Variants in PKIB observed in about 807,000 individuals in gnomAD.
PKIB encodes the protein cAMP-dependent protein kinase inhibitor beta, also known as PKI-beta.
A neutral mutation model predicts 4.5 loss-of-function variants in PKIB; 2 were observed. That is an observed-to-expected ratio of 0.44 (90% CI 0.18 to 1.39). PKIB has a LOEUF of 1.39. PKIB is among the 40% of genes most tolerant of loss of function. The pLI, the probability that PKIB is intolerant of heterozygous loss-of-function variation, is 0.27. For missense variants in PKIB, 94 were observed against 92.6 expected, an observed-to-expected ratio of 1.02 and a Z score of -0.06; for synonymous variants, 38 against 36.0, an observed-to-expected ratio of 1.06 and a Z score of -0.20.
chr6:122,703,937 T>TAGAG (rs1277973682), intron 3 of PKIB, among the ~76,000 whole-genome samples: 13 of 130,414 alleles, frequency 1.0e-4, no homozygotes, highest in East Asian at 8.5e-4. Context: ...TATATATATA[T>TAGAG]ATATAGAGAG....
chr6:122,578,656 C>T (rs1303349039), intron 2 of PKIB, among the ~76,000 whole-genome samples: 1 of 152,178 alleles, frequency 6.6e-6, no homozygotes, highest in African/African-American at 2.4e-5. Context: ...GCCCACAGAG[C>T]CTGTCTCACA....
At chr6:122,632,016 C>T (rs1582757275) in intron 1 of PKIB, among the ~76,000 whole-genome samples, 1 of 152,134 alleles carries the variant, frequency 6.6e-6, no homozygotes. Flanking sequence ...AGGATGGATT[C>T]GAAGGGGAAT....
intron 2 of PKIB, among the ~76,000 whole-genome samples, chr6:122,559,652 A>G (rs6923465): frequency 0.14 from 21,470 of 152,102 alleles, 1,580 homozygotes; most frequent in East Asian, 0.21. Context: ...CATTTTCACA[A>G]TATTGATTCT....
intron 3 of PKIB, among the ~76,000 whole-genome samples, chr6:122,696,854 C>T (rs1778595062): frequency 6.6e-6 from 1 of 152,178 alleles, no homozygotes; most frequent in Admixed American, 6.5e-5. Flanking sequence ...AACCTGATGC[C>T]TTTTCTCCAC....
intron 1 of PKIB, among the ~76,000 whole-genome samples, chr6:122,477,487 T>C (rs1407394726): frequency 6.6e-6 from 1 of 152,238 alleles, no homozygotes; most frequent in Admixed American, 6.5e-5. Flanking sequence ...CAAAGTACTA[T>C]ACTATATGAT....
chr6:122,603,820 T>C (rs533690197), intron 3 of PKIB, among the ~76,000 whole-genome samples: 1 of 152,316 alleles, frequency 6.6e-6, no homozygotes, highest in South Asian at 2.1e-4. Context: ...CAAATAAAGC[T>C]TATTTGGGCA....
intron 2 of PKIB, among the ~76,000 whole-genome samples, chr6:122,543,517 T>G (rs191287279): frequency 6.6e-6 from 1 of 151,912 alleles, no homozygotes; most frequent in East Asian, 1.9e-4. Flanking sequence ...GTAGCTGGGA[T>G]TATAGGTGCC....
At chr6:122,658,673 G>A (rs1198974826) in intron 2 of PKIB, among the ~76,000 whole-genome samples, 1 of 151,576 alleles carries the variant, frequency 6.6e-6, no homozygotes, top group Non-Finnish European at 1.5e-5. Context: ...AGGTCTTTCT[G>A]AATTAAGGCC....
intron 3 of PKIB, among the ~76,000 whole-genome samples, chr6:122,604,823 C>T (rs1774475910): frequency 6.6e-6 from 1 of 152,162 alleles, no homozygotes; most frequent in African/African-American, 2.4e-5. Flanking sequence ...CTCTGCAAAA[C>T]AATGCCCTAT....
intron 2 of PKIB, among the ~76,000 whole-genome samples, chr6:122,635,748 T>A (rs538488369): frequency 6.6e-6 from 1 of 152,182 alleles, no homozygotes; most frequent in African/African-American, 2.4e-5. Context: ...ACCCCTATTT[T>A]AACTTCCAAA....
At chr6:122,634,871 G>A (rs1279451188) in intron 2 of PKIB, among the ~76,000 whole-genome samples, 2 of 151,238 alleles carry the variant, frequency 1.3e-5, no homozygotes, top group African/African-American at 2.4e-5. Context: ...GAACCCGGGA[G>A]GCGGAGCTTG....
rs78772281 is a variant in PKIB, at chr6:122,573,417, G to A, written c.-247-12504G>A. Among the ~76,000 whole-genome samples, 339 of 151,126 alleles carry A rather than the reference G, an allele frequency of 2.2e-3. 8 individuals carry two copies. In the East Asian group the frequency reaches 0.044, roughly 20 times the overall value. On this transcript the variant is annotated intron_variant, in intron 2 of 6. Coordinates refer to the PKIB transcript ENST00000392491. ...CACACATGTTCTCCCAGGTACTCGC[G>A]AGGCTGAGGTGGAAGGATCGCTTGA...
intron 2 of PKIB, among the ~76,000 whole-genome samples, chr6:122,560,563 A>G (rs1772983484): frequency 6.6e-6 from 1 of 152,150 alleles, no homozygotes; most frequent in Admixed American, 6.5e-5. Context: ...GAAATGAATT[A>G]GGGAGGGTTC....
chr6:122,617,361 G>A (rs1460014077), intron 1 of PKIB, among the ~76,000 whole-genome samples: 1 of 152,156 alleles, frequency 6.6e-6, no homozygotes, highest in Non-Finnish European at 1.5e-5. Context: ...TTCTGGCACG[G>A]TAGATCTGGG....
intron 2 of PKIB, 74 bp from the exon 3 acceptor site, chr6:122,675,004 A>G (rs1192184318): frequency 1.3e-5 from 2 of 152,444 alleles, no homozygotes; most frequent in Non-Finnish European, 2.9e-5. Context: ...TTAAAAAGCC[A>G]AAAGTAATTA....
intron 3 of PKIB, chr6:122,717,491 C>T: frequency 2.5e-6 from 1 of 405,814 alleles, no homozygotes; most frequent in South Asian, 8.9e-5. Flanking sequence ...CTGATCCATC[C>T]ACAGAAAAGC....
intron 2 of PKIB, among the ~76,000 whole-genome samples, chr6:122,484,364 G>A (rs1775705600): frequency 6.6e-6 from 1 of 152,106 alleles, no homozygotes; most frequent in South Asian, 2.1e-4. Flanking sequence ...TGAAAAGTGG[G>A]ATTTTGCCTT....
At chr6:122,547,084 A>G (rs1772518986) in intron 2 of PKIB, among the ~76,000 whole-genome samples, 1 of 152,052 alleles carries the variant, frequency 6.6e-6, no homozygotes, top group Non-Finnish European at 1.5e-5. Context: ...CCTGTAGGCT[A>G]TTTTATTTAC....
intron 2 of PKIB, among the ~76,000 whole-genome samples, chr6:122,494,477 A>G (rs1470398609): frequency 6.6e-6 from 1 of 152,244 alleles, no homozygotes; most frequent in Non-Finnish European, 1.5e-5. Flanking sequence ...ACAGTTTTAT[A>G]CTAAAGAGAA....
Sources: gnomAD v4.1 joint callset for allele counts (sites outside exome capture counted in the v4.1 genomes callset) on GRCh38, gnomAD v4.1.1 for gene constraint, MANE v1.5 for transcripts, NCBI Gene and HGNC (gene_info 2026-07-23, HGNC 2026-07-21) for gene names.